The following HNF4A variants were observed in gnomAD, a reference collection of about 807,000 sequenced individuals.
The protein encoded by HNF4A is hepatocyte nuclear factor 4 alpha.
A neutral mutation model predicts 52.4 loss-of-function variants in HNF4A; 15 were observed. The observed-to-expected ratio is 0.29, with a 90% CI of 0.19 to 0.44. HNF4A has a LOEUF of 0.44. Among genes scored for constraint, HNF4A ranks in the 20% least tolerant of loss-of-function variants. The pLI is 1.00. For missense variants in HNF4A, 479 were observed against 647.2 expected (o/e 0.74, Z 2.82); for synonymous variants, 280 against 264.4 (o/e 1.06, Z -0.57).
intron 7 of HNF4A, among the ~76,000 whole-genome samples, chr20:44,421,804 T>TAA (rs2063749430): frequency 6.8e-6 from 1 of 146,850 alleles, no homozygotes; most frequent in Admixed American, 6.9e-5. Flanking sequence ...TATATATATA[T>TAA]AATATATAGT....
At chr20:44,411,396 A>G (rs1477178659) in intron 3 of HNF4A, among the ~76,000 whole-genome samples, 2 of 152,200 alleles carry the variant, frequency 1.3e-5, no homozygotes, top group African/African-American at 2.4e-5. Context: ...CGCGCCGGGC[A>G]CTGATAACGC....
chr20:44,406,463 G>A (rs2063502333), intron 2 of HNF4A, among the ~76,000 whole-genome samples: 1 of 152,216 alleles, frequency 6.6e-6, no homozygotes, highest in Admixed American at 6.5e-5. Flanking sequence ...CTTATCATAT[G>A]CCAGGCACAA....
chr20:44,389,349 G>A (rs1012509810), intron 1 of HNF4A, among the ~76,000 whole-genome samples: 2 of 152,176 alleles, frequency 1.3e-5, no homozygotes, highest in Admixed American at 6.5e-5. Flanking sequence ...AGGGTTGCCC[G>A]ACACAACACA....
At chr20:44,363,343 T>C (rs964075555) in intron 1 of HNF4A, among the ~76,000 whole-genome samples, 1 of 152,192 alleles carries the variant, frequency 6.6e-6, no homozygotes. Context: ...GCATCTACTA[T>C]ATGCAAAGGA....
chr20:44,390,370 C>G (rs982958407), intron 1 of HNF4A: 3 of 477,604 alleles, frequency 6.3e-6, no homozygotes, highest in Admixed American at 7.5e-5. Context: ...GAGTCCAGAC[C>G]ACTGTGTCTC....
At chr20:44,396,173 C>T (rs563314031) in intron 1 of HNF4A, among the ~76,000 whole-genome samples, 8 of 152,142 alleles carry the variant, frequency 5.3e-5, no homozygotes, top group South Asian at 2.1e-4. Flanking sequence ...CCCTCCCTTA[C>T]GAGCTGTGTG....
chr20:44,406,115 C>T lies in HNF4A; in HGVS notation c.173C>T (p.Ala58Val). Reference sequence around the variant, plus strand: ...GCGCCCAACAGCCTGGGTGTCAGCGCCCTGTGTGCCATCTGCGGGGACCGG... The same window carrying T: ...GCGCCCAACAGCCTGGGTGTCAGCGTCCTGTGTGCCATCTGCGGGGACCGG... Residue 58 changes from alanine (A) to valine (V), a missense_variant, in exon 2 of 10, where the codon GCC becomes GTC. By Grantham distance (64) the Ala-to-Val change is moderately conservative. Around this residue, in one of 3 missense-constraint regions of HNF4A, gnomAD observed 90 missense variants for 105.5 expected, o/e 0.85. Coordinates refer to ENST00000316099, the MANE Select transcript of HNF4A (RefSeq NM_000457.6). 1 of 1,613,736 alleles carries T rather than the reference C, an allele frequency of 6.2e-7. No individual in the cohort carries two copies. Among genetic ancestry groups the T allele is most frequent in the Non-Finnish European group, 8.5e-7 (1 of 1,180,032 alleles).
At chr20:44,372,107 A>G (rs753236498) in intron 1 of HNF4A, among the ~76,000 whole-genome samples, 1 of 152,208 alleles carries the variant, frequency 6.6e-6, no homozygotes, top group Non-Finnish European at 1.5e-5. Context: ...TATTGAGGGC[A>G]CTTGAGTGTG....
At chr20:44,405,268 C>CAAATTTTTTAAATTTTTT (rs75182602) in intron 1 of HNF4A, among the ~76,000 whole-genome samples, 5 of 151,226 alleles carry the variant, frequency 3.3e-5, no homozygotes, top group African/African-American at 1.2e-4. Flanking sequence ...AATTTGGAAA[C>CAAATTTTTTAAATTTTTT]AAATTTTTTA....
In HNF4A at chr20:44,371,817, T is replaced by A. The variant is rs6031560; in HGVS notation, c.49+15964T>A. On this transcript the variant is annotated intron_variant, in intron 1 of 9. Transcript: ENST00000316673. ...CAGCCTGGGCGACAGAGCAAGACCC[T>A]GTCAAAAAAATAAATTAAAGAAAAT... Among the ~76,000 whole-genome samples the A allele has an allele frequency of 6.1e-3, 927 of 152,104 alleles. 12 individuals carry two copies. The highest frequency in any genetic ancestry group is 0.021 in the African/African-American group (865 of 41,512).
In HNF4A at chr20:44,406,105, G is replaced by A; in HGVS notation, c.163G>A (p.Gly55Ser). 1.2e-6 allele frequency: 2 copies of A among 1,613,466 alleles called. No homozygotes were observed. Among genetic ancestry groups the A allele is most frequent in the Non-Finnish European group, 8.5e-7 (1 of 1,180,020 alleles). The change falls in exon 2 of 10, where the codon GGT (glycine) becomes AGT (serine). Residue 55 changes from glycine to serine, a missense_variant. Coordinates refer to ENST00000316099, the MANE Select transcript of HNF4A (RefSeq NM_000457.6). ...CAACCTCAACGCGCCCAACAGCCTG[G>A]GTGTCAGCGCCCTGTGTGCCATCTG...
chr20:44,392,110 C>T (rs932731541), intron 1 of HNF4A: 1 of 152,140 alleles, frequency 6.6e-6, no homozygotes, highest in Non-Finnish European at 1.5e-5. Flanking sequence ...GAATCCTTGA[C>T]CTAGAAAGGC....
intron 1 of HNF4A, among the ~76,000 whole-genome samples, chr20:44,404,389 C>T (rs2063452903): frequency 6.6e-6 from 1 of 152,168 alleles, no homozygotes; most frequent in Admixed American, 6.5e-5. Context: ...TGTGCTGTTA[C>T]CTACAGTGCA....
intron 1 of HNF4A, chr20:44,402,723 G>A (rs928833958): frequency 7.0e-6 from 6 of 853,494 alleles, no homozygotes; most frequent in Non-Finnish European, 1.0e-5. Flanking sequence ...CAGAGGAGAG[G>A]GGGCAGGCAG....
At chr20:44,414,301 G>A (rs1424070567) in intron 4 of HNF4A, among the ~76,000 whole-genome samples, 1 of 152,190 alleles carries the variant, frequency 6.6e-6, no homozygotes, top group African/African-American at 2.4e-5. Context: ...GCAGGTAACA[G>A]GTGAAGGCAC....
intron 3 of HNF4A, among the ~76,000 whole-genome samples, chr20:44,413,158 G>A (rs2063610769): frequency 2.6e-5 from 4 of 152,190 alleles, no homozygotes; most frequent in South Asian, 2.1e-4. Context: ...CAGTGGGAGG[G>A]AGGGAGACAG....
chr20:44,371,020 G>A (rs2063028087), intron 1 of HNF4A, among the ~76,000 whole-genome samples: 1 of 152,202 alleles, frequency 6.6e-6, no homozygotes, highest in Non-Finnish European at 1.5e-5. Context: ...CAGAGGAGGT[G>A]GGGAGACAGG....
At chr20:44,385,677 C>G (rs931892250) in intron 1 of HNF4A, among the ~76,000 whole-genome samples, 3 of 152,048 alleles carry the variant, frequency 2.0e-5, no homozygotes, top group African/African-American at 7.2e-5. Context: ...CCATGTTGGC[C>G]AGGCTGGTCT....
intron 5 of HNF4A, among the ~76,000 whole-genome samples, chr20:44,415,138 C>T (rs2063645369): frequency 6.6e-6 from 1 of 152,122 alleles, no homozygotes; most frequent in Non-Finnish European, 1.5e-5. Context: ...GAGTTCCTCT[C>T]TCTGAGCCTC....
Sources: allele counts gnomAD v4.1 joint callset (sites outside exome capture counted in the v4.1 genomes callset), GRCh38; gene constraint gnomAD v4.1.1; regional missense constraint gnomAD v4.1.1; transcripts MANE v1.5; gene names NCBI Gene and HGNC (gene_info 2026-07-23, HGNC 2026-07-21).